The following VPS13C variants were observed in gnomAD, a reference collection of about 807,000 sequenced individuals.
VPS13C encodes the protein vacuolar protein sorting 13 homolog C, also known as intermembrane lipid transfer protein VPS13C.
In VPS13C, 358 loss-of-function variants were observed where a neutral mutation model predicts 456.8. The observed-to-expected ratio is 0.78, with a 90% confidence interval of 0.72 to 0.86. The LOEUF is 0.86. VPS13C is among the 40% of genes least tolerant of loss of function. The pLI is 0.00. For missense variants in VPS13C, 4,818 were observed against 4,385.4 expected, an observed-to-expected ratio of 1.10 and a Z score of -2.79; for synonymous variants, 1,578 against 1,486.7, an observed-to-expected ratio of 1.06 and a Z score of -1.41.
In VPS13C at chr15:61,947,732, A is replaced by G. The variant is rs567472104; in HGVS notation, c.4760-423T>C. ...AAACTGCAATGGTGATGCCCAGTTA[A>G]TAAAATACATATTATTTACTATGGC... On this transcript the variant is annotated intron_variant, in intron 42 of 84. Transcript: ENST00000644861. Among the ~76,000 whole-genome samples the G allele has an allele frequency of 1.6e-4, 24 of 152,318 alleles. No homozygotes were observed. In the South Asian group the frequency reaches 4.1e-3, roughly 26 times the overall value.
At chr15:61,992,611 T>C (rs1425216841) in intron 16 of VPS13C, among the ~76,000 whole-genome samples, 1 of 152,150 alleles carries the variant, frequency 6.6e-6, no homozygotes, top group African/African-American at 2.4e-5. Context: ...TTGGTGAATG[T>C]AAAGACTAAG....
At chr15:62,005,354 GT>G (rs774683985) in intron 15 of VPS13C, among the ~76,000 whole-genome samples, 4 of 151,826 alleles carry the variant, frequency 2.6e-5, no homozygotes, top group South Asian at 4.2e-4. Flanking sequence ...GCCTTTTTTT[GT>G]TTTCCATTTG....
In VPS13C at chr15:61,920,155, T is replaced by C. The variant is rs760480665; in HGVS notation, c.7389A>G (p.Glu2463=). ...AAGGTACCATGCTGGCATACTCCAG[T>C]TCCAAATTCTGGCCAGCATCAACAT... ...IFDVDAGQNL[E]LEYASMVPSS... Residue 2463 remains glutamate (E), a synonymous_variant, in exon 57 of 85, where the codon GAA becomes GAG. Transcript: ENST00000644861. The C allele has an allele frequency of 2.5e-6, 4 of 1,613,528 alleles. No individual in the cohort carries two copies. The highest frequency in any genetic ancestry group is 3.4e-6 in the Non-Finnish European group (4 of 1,179,658).
At chr15:61,967,182 TATA>T (rs1596395585) in intron 29 of VPS13C, among the ~76,000 whole-genome samples, 183 bp downstream of exon 29, 1 of 151,972 alleles carries the variant, frequency 6.6e-6, no homozygotes, top group African/African-American at 2.4e-5. Context: ...AGTGACTTTG[TATA>T]ATAATAGCCC....
chr15:62,001,169 T>C (rs186020905), intron 15 of VPS13C, among the ~76,000 whole-genome samples: 5 of 152,356 alleles, frequency 3.3e-5, no homozygotes, highest in South Asian at 4.1e-4. Flanking sequence ...TGCTGTCTCA[T>C]ACAATTCTCA....
chr15:61,857,079 G>A (rs1893957100), intron 82 of VPS13C, among the ~76,000 whole-genome samples: 1 of 152,088 alleles, frequency 6.6e-6, no homozygotes, highest in African/African-American at 2.4e-5. Context: ...TTTGATTACT[G>A]ATATAACTAT....
At chr15:61,969,088 C>G (rs904409368) in intron 28 of VPS13C, among the ~76,000 whole-genome samples, 2 of 152,082 alleles carry the variant, frequency 1.3e-5, no homozygotes, top group Non-Finnish European at 2.9e-5. Context: ...TACAATCAGT[C>G]TGTGACTTAG....
Position 61,854,120 on chromosome 15 carries a change from T to C in VPS13C, c.*337A>G, listed in dbSNP as rs1230201411. 1 of 260,052 alleles carries C rather than the reference T, an allele frequency of 3.8e-6. No individual in the cohort carries two copies. Among genetic ancestry groups the C allele is most frequent in the Non-Finnish European group, 7.4e-6 (1 of 135,780 alleles). The allele number at this position is 260,052 out of a possible 1,614,324, so 16.1% of individuals were successfully genotyped here. A position where few individuals can be genotyped will look rare whatever the true frequency, so the allele number is the denominator to read the frequency against. On this transcript the variant is annotated 3_prime_UTR_variant, in exon 85 of 85. Transcript: ENST00000644861. ...CTAGTCATTCTAAGCTCATTTCTTA[T>C]TCTTCAGTAAGGCTTTAATTAAATA...
chr15:61,936,263 G>A (rs1349990170), intron 48 of VPS13C, among the ~76,000 whole-genome samples: 1 of 152,110 alleles, frequency 6.6e-6, no homozygotes, highest in African/African-American at 2.4e-5. Context: ...GTGATACCAA[G>A]GTCCTTTTCT....
rs2048385054 is a variant in VPS13C, at chr15:62,045,902, TA to T, written c.101-1648del. Among the ~76,000 whole-genome samples the T allele has an allele frequency of 2.6e-5, 4 of 152,250 alleles. No individual in the cohort carries two copies. The South Asian group carries it at 6.2e-4, about 24-fold the overall frequency. Reference sequence around the variant, plus strand: ...AATGTTCACAGAATATTGAGTTTTTTAAAAAGTAAAAGAATGCCCAGATTGA... The same window carrying T: ...AATGTTCACAGAATATTGAGTTTTTTAAAAGTAAAAGAATGCCCAGATTGA... On this transcript the variant is annotated intron_variant, in intron 1 of 84. Coordinates refer to ENST00000644861, the MANE Select transcript of VPS13C (RefSeq NM_020821.3).
rs1893713056 is a variant in VPS13C, at chr15:61,852,773, AT to A, written c.*1683del. ...TATATATTATACTTTACAGAAAAAA[AT>A]AATTTTGAAAAAGTAATGACAAACA... is the stretch of plus-strand genomic sequence containing the variant. On this transcript the variant is annotated 3_prime_UTR_variant, in exon 85 of 85. Transcript: ENST00000644861. 6.6e-6 allele frequency: 1 copy of A among 152,218 alleles called. No individual in the cohort carries two copies. The highest frequency in any genetic ancestry group is 2.4e-5 in the African/African-American group (1 of 41,466). 9.4% of individuals were successfully genotyped at this position (152,218 alleles called of 1,614,324 possible).
intron 65 of VPS13C, among the ~76,000 whole-genome samples, chr15:61,908,373 T>C (rs988010115): frequency 5.9e-5 from 9 of 151,288 alleles, no homozygotes; most frequent in African/African-American, 1.7e-4. Context: ...TTAATATAAA[T>C]ATAATTTTAT....
intron 6 of VPS13C, among the ~76,000 whole-genome samples, chr15:62,025,175 T>C (rs1382343345): frequency 1.3e-5 from 2 of 152,142 alleles, no homozygotes; most frequent in East Asian, 3.9e-4. Context: ...TAAATTCATG[T>C]TATATATATT....
At chr15:61,912,026 A>T in intron 62 of VPS13C, 22 bp from the exon 63 acceptor site, 1 of 1,540,828 alleles carries the variant, frequency 6.5e-7, no homozygotes, top group Non-Finnish European at 8.8e-7. Context: ...AAAAAAGCTT[A>T]TTTTCCAGTT....
chr15:61,951,988 A>C lies in VPS13C; in HGVS notation c.4300-8T>G. 6.2e-7 allele frequency: 1 copy of C among 1,611,428 alleles called. No individual in the cohort carries two copies. On this transcript the variant is annotated splice_region_variant and splice_polypyrimidine_tract_variant and intron_variant, in intron 38 of 84. Transcript: ENST00000644861. ...CATCAAAGTAACCACAACCTAAAAA[A>C]CGGTACCAGTATTACCACCAACTAT...
intron 15 of VPS13C, among the ~76,000 whole-genome samples, chr15:62,003,306 T>G (rs1377661667): frequency 1.3e-5 from 2 of 151,102 alleles, no homozygotes; most frequent in Non-Finnish European, 2.9e-5. Flanking sequence ...TCACTCATGA[T>G]TTGGCTCTCC....
At chr15:62,046,145 T>C (rs2048394558) in intron 1 of VPS13C, among the ~76,000 whole-genome samples, 1 of 151,944 alleles carries the variant, frequency 6.6e-6, no homozygotes, top group Non-Finnish European at 1.5e-5. Context: ...TCACAAATGG[T>C]AAGGAAATAC....
Position 61,985,033 on chromosome 15 carries a change from G to A in VPS13C, c.1579-34C>T, listed in dbSNP as rs758441641. On this transcript the variant is annotated intron_variant, in intron 18 of 84. Coordinates refer to ENST00000644861, the MANE Select transcript of VPS13C (RefSeq NM_020821.3). ...AAAGAATGAAATTAAAATTGTTAAA[G>A]TTTAAATAATTATTACTTTCTTTAA... 4.5e-6 allele frequency: 6 copies of A among 1,327,280 alleles called. No homozygotes were observed. In the East Asian group the frequency reaches 1.6e-4, roughly 36 times the overall value. The allele number at this position is 1,327,280 out of a possible 1,614,324, so 82.2% of individuals were successfully genotyped here.
At chr15:61,924,026 C>A (rs1271686063) in intron 53 of VPS13C, among the ~76,000 whole-genome samples, 2 of 150,664 alleles carry the variant, frequency 1.3e-5, no homozygotes, top group African/African-American at 4.9e-5. Flanking sequence ...CCACTACGCC[C>A]GGCTAATTTT....
Sources: gnomAD v4.1 joint callset for allele counts (sites outside exome capture counted in the v4.1 genomes callset) on GRCh38, gnomAD v4.1.1 for gene constraint, MANE v1.5 for transcripts, NCBI Gene and HGNC (gene_info 2026-07-23, HGNC 2026-07-21) for gene names.